Variants in NMNAT2 observed in about 807,000 individuals in gnomAD.
The protein encoded by NMNAT2 is nicotinamide nucleotide adenylyltransferase 2.
NMNAT2 carries 11 observed loss-of-function variants against 41.6 expected under a neutral mutation model. That is an observed-to-expected ratio of 0.26 (90% CI 0.17 to 0.44). NMNAT2 has a LOEUF of 0.44. NMNAT2 is among the 20% of genes least tolerant of loss of function. NMNAT2 has a pLI of 1.00. For missense variants in NMNAT2, 288 were observed against 407.7 expected (o/e 0.71, Z 2.53); for synonymous variants, 148 against 151.2 (o/e 0.98, Z 0.16).
chr1:183,286,817 T>A (rs1661413428), intron 4 of NMNAT2, 29 bp from the exon 5 acceptor site: 1 of 1,594,538 alleles, frequency 6.3e-7, no homozygotes, highest in Admixed American at 1.7e-5. Context: ...GTGTTATTAG[T>A]CATGTGACTT....
At chr1:183,346,965 C>T (rs1662943383) in intron 1 of NMNAT2, among the ~76,000 whole-genome samples, 2 of 152,152 alleles carry the variant, frequency 1.3e-5, no homozygotes, top group African/African-American at 4.8e-5. Flanking sequence ...CCCTACTCTT[C>T]AAGACCCACT....
chr1:183,397,053 C>T (rs1279764252), intron 1 of NMNAT2, among the ~76,000 whole-genome samples: 1 of 152,146 alleles, frequency 6.6e-6, no homozygotes, highest in Admixed American at 6.5e-5. Context: ...TTCTGCCCAC[C>T]GAACACTTGC....
intron 1 of NMNAT2, among the ~76,000 whole-genome samples, chr1:183,415,992 C>T (rs1649240589): frequency 2.6e-5 from 4 of 152,076 alleles, no homozygotes; most frequent in Admixed American, 2.6e-4. Flanking sequence ...ACATTCTGCC[C>T]TGGTCCTCAG....
At position 183,252,722 on chromosome 1, in the gene NMNAT2, G is replaced by A. The variant is rs150203304; in HGVS notation, c.843C>T (p.Asp281=). Residue 281 remains aspartate, a synonymous_variant, in exon 11 of 11, where the codon GAC becomes GAT. Transcript: ENST00000287713. ...GGGACAGGTAATCCACAACATGGCC[G>A]TCCCCATGCTGCAGGGCCAGCCTGC... The part of the protein sequence containing the change: ...TKSRLALQHG[D]GHVVDYLSQP... The A allele has an allele frequency of 1.2e-4, 188 of 1,613,862 alleles. 2 individuals are homozygous for A. In the South Asian group the frequency reaches 1.9e-3, roughly 16 times the overall value.
intron 8 of NMNAT2, among the ~76,000 whole-genome samples, chr1:183,273,991 C>A (rs868795522): frequency 6.6e-6 from 1 of 151,844 alleles, no homozygotes; most frequent in Admixed American, 6.6e-5. Context: ...TGGCTCACTG[C>A]AACCTCTATC....
chr1:183,415,300 GT>G (rs1181035317), intron 1 of NMNAT2, among the ~76,000 whole-genome samples: 5 of 152,120 alleles, frequency 3.3e-5, no homozygotes, highest in Non-Finnish European at 5.9e-5. Context: ...TGATAATTTA[GT>G]TGTATTAATT....
chr1:183,264,466 G>A (rs1660751891), intron 8 of NMNAT2, among the ~76,000 whole-genome samples: 1 of 152,046 alleles, frequency 6.6e-6, no homozygotes, highest in African/African-American at 2.4e-5. Context: ...AGGGAGACAG[G>A]ATCTATGAGA....
chr1:183,389,832 GAAAGAAA>G (rs1648410461), intron 1 of NMNAT2, among the ~76,000 whole-genome samples: 2 of 53,156 alleles, frequency 3.8e-5, no homozygotes, highest in African/African-American at 1.2e-4. Context: ...AAGAAAGAAA[GAAAGAAA>G]GAAAGGAAAA....
At chr1:183,322,337 G>A (rs1662373103) in intron 1 of NMNAT2, among the ~76,000 whole-genome samples, 2 of 152,156 alleles carry the variant, frequency 1.3e-5, no homozygotes, top group Non-Finnish European at 2.9e-5. Context: ...GGTGTGTATG[G>A]TCCCAGGCTG....
chr1:183,340,821 G>T (rs1571607967), intron 1 of NMNAT2, among the ~76,000 whole-genome samples: 1 of 152,330 alleles, frequency 6.6e-6, no homozygotes, highest in East Asian at 1.9e-4. Context: ...TGCCCTGATG[G>T]CAGGAGAGCA....
At chr1:183,390,260 A>G (rs1648439842) in intron 1 of NMNAT2, among the ~76,000 whole-genome samples, 1 of 152,226 alleles carries the variant, frequency 6.6e-6, no homozygotes, top group Non-Finnish European at 1.5e-5. Context: ...TGAGATACAC[A>G]GATCTTAATG....
At chr1:183,275,731 G>A (rs1377759960) in intron 8 of NMNAT2, among the ~76,000 whole-genome samples, 2 of 152,012 alleles carry the variant, frequency 1.3e-5, no homozygotes, top group Non-Finnish European at 2.9e-5. Context: ...GGAGTGCAAT[G>A]GCGTGATCTC....
chr1:183,296,679 A>T (rs948034893), intron 1 of NMNAT2, among the ~76,000 whole-genome samples: 5 of 151,822 alleles, frequency 3.3e-5, no homozygotes, highest in African/African-American at 4.8e-5. Flanking sequence ...TACCCAGCTA[A>T]TTTTTTTATT....
chr1:183,357,943 T>G (rs563977846), intron 1 of NMNAT2, among the ~76,000 whole-genome samples: 1 of 152,300 alleles, frequency 6.6e-6, no homozygotes, highest in African/African-American at 2.4e-5. Flanking sequence ...GAATATAAAT[T>G]TTTCTATTAT....
intron 1 of NMNAT2, among the ~76,000 whole-genome samples, chr1:183,368,316 A>T (rs926143489): frequency 6.6e-6 from 1 of 152,118 alleles, no homozygotes; most frequent in Admixed American, 6.5e-5. Context: ...TTCAGAATTA[A>T]GGGCAACATC....
intron 1 of NMNAT2, among the ~76,000 whole-genome samples, chr1:183,367,099 A>T (rs2102363244): frequency 6.6e-6 from 1 of 152,344 alleles, no homozygotes; most frequent in Middle Eastern, 3.4e-3. Flanking sequence ...ATTAATTCCT[A>T]GCCATTTTCA....
chr1:183,313,773 G>A (rs747013207), intron 1 of NMNAT2, among the ~76,000 whole-genome samples: 46 of 152,172 alleles, frequency 3.0e-4, no homozygotes, highest in Non-Finnish European at 3.7e-4. Flanking sequence ...GGTGTGAGCC[G>A]CTGCGCCCAG....
chr1:183,377,003 G>A lies in NMNAT2; in HGVS notation c.85+41180C>T, dbSNP rs1423167421. Among the ~76,000 whole-genome samples, 7 of 152,258 alleles carry A rather than the reference G, an allele frequency of 4.6e-5. No individual in the cohort carries two copies. The East Asian group carries it at 1.4e-3, about 29-fold the overall frequency. On this transcript the variant is annotated intron_variant, in intron 1 of 10. Transcript: ENST00000287713. Reference sequence around the variant, plus strand: ...GAAAGCTCCCCTCTTGGTTCTGGGTGGGAAGGAGAACAGCAACTGCTGGAA... The same window carrying A: ...GAAAGCTCCCCTCTTGGTTCTGGGTAGGAAGGAGAACAGCAACTGCTGGAA...
intron 5 of NMNAT2, among the ~76,000 whole-genome samples, chr1:183,285,574 T>C (rs1181075331): frequency 6.6e-6 from 1 of 152,218 alleles, no homozygotes; most frequent in Non-Finnish European, 1.5e-5. Context: ...CTGTTTATAA[T>C]AGACCAATAA....
Sources: allele counts gnomAD v4.1 joint callset (sites outside exome capture counted in the v4.1 genomes callset), GRCh38; gene constraint gnomAD v4.1.1; transcripts MANE v1.5; gene names NCBI Gene and HGNC (gene_info 2026-07-23, HGNC 2026-07-21).